CTNNB1: variants seen among roughly 807,000 people sequenced by gnomAD.
CTNNB1 encodes catenin beta 1, also known as catenin beta-1.
A neutral mutation model predicts 82.5 loss-of-function variants in CTNNB1; 6 were observed. The observed-to-expected ratio is 0.07, with a 90% CI of 0.04 to 0.14. CTNNB1 has a LOEUF of 0.14. Among genes scored for constraint, CTNNB1 ranks in the 10% least tolerant of loss-of-function variants. CTNNB1 has a pLI of 1.00. For synonymous variants in CTNNB1, 312 were observed against 329.7 expected (o/e 0.95, Z 0.58); for missense variants, 529 against 980.4 (o/e 0.54, Z 6.15).
Position 41,239,676 on chromosome 3 carries a change from T to C in CTNNB1, c.*334T>C, listed in dbSNP as rs1016752107. The C allele has an allele frequency of 8.5e-5, 37 of 435,098 alleles. No individual in the cohort carries two copies. Among genetic ancestry groups the C allele is most frequent in the Non-Finnish European group, 1.7e-5 (4 of 233,652 alleles). 27.0% of individuals were successfully genotyped at this position (435,098 alleles called of 1,614,324 possible). A position where few individuals can be genotyped will look rare whatever the true frequency, so the allele number is the denominator to read the frequency against. On this transcript the variant is annotated 3_prime_UTR_variant, in exon 15 of 15. Transcript: ENST00000349496. ...TTTATACAGCTGTATTGTCTGAACT[T>C]GCATTGTGATTGGCCTGTAGAGTTG...
At chr3:41,222,700 C>CT (rs1261243415) in intron 1 of CTNNB1, among the ~76,000 whole-genome samples, 32 of 152,230 alleles carry the variant, frequency 2.1e-4, no homozygotes, top group African/African-American at 7.7e-4. Context: ...AAAAACAGTA[C>CT]TATAAAAAAA....
chr3:41,228,268 C>T (rs907022334), intron 7 of CTNNB1, among the ~76,000 whole-genome samples: 1 of 152,078 alleles, frequency 6.6e-6, no homozygotes, highest in African/African-American at 2.4e-5. Context: ...AATGGTAATT[C>T]TGTCAGGTTT....
At chr3:41,219,094 C>G (rs1440052403) in intron 1 of CTNNB1, among the ~76,000 whole-genome samples, 2 of 152,172 alleles carry the variant, frequency 1.3e-5, no homozygotes, top group African/African-American at 4.8e-5. Flanking sequence ...AAAGCCTATT[C>G]AGGATGTATC....
At position 41,216,674 on chromosome 3, in the gene CTNNB1, C is replaced by T. The variant is rs551565350; in HGVS notation, c.-48-7347C>T. Reference sequence around the variant, plus strand: ...TTTATGCTTAGAAACATTTCCTTAACGTTATATTTCAGTATTTGGCTAACC... The same window carrying T: ...TTTATGCTTAGAAACATTTCCTTAATGTTATATTTCAGTATTTGGCTAACC... On this transcript the variant is annotated intron_variant, in intron 1 of 14. Transcript: ENST00000349496. Among the ~76,000 whole-genome samples the T allele has an allele frequency of 3.9e-5, 6 of 152,228 alleles. No individual in the cohort carries two copies. The East Asian group carries it at 1.2e-3, about 29-fold the overall frequency.
At chr3:41,227,607 C>T (rs559659228) in intron 7 of CTNNB1, among the ~76,000 whole-genome samples, 26 of 152,230 alleles carry the variant, frequency 1.7e-4, no homozygotes, top group Middle Eastern at 3.4e-3. Flanking sequence ...TTTGTAATTT[C>T]AGTTTTGAGT....
chr3:41,200,067 G>A (rs900867022), intron 1 of CTNNB1: 1 of 147,074 alleles, frequency 6.8e-6, no homozygotes, highest in East Asian at 2.1e-4. Flanking sequence ...TGGGTGGGGG[G>A]CGGGGTGGGG....
At chr3:41,215,976 C>A (rs1035073362) in intron 1 of CTNNB1, among the ~76,000 whole-genome samples, 2 of 152,180 alleles carry the variant, frequency 1.3e-5, no homozygotes, top group East Asian at 3.9e-4. Flanking sequence ...CCCTGTCTTT[C>A]ATTTATCTGC....
At chr3:41,209,396 C>T (rs903393350) in intron 1 of CTNNB1, among the ~76,000 whole-genome samples, 3 of 152,204 alleles carry the variant, frequency 2.0e-5, no homozygotes, top group South Asian at 2.1e-4. Context: ...AAAGCTGCAT[C>T]TTAGTCTTTT....
Position 41,236,667 on chromosome 3 carries a change from G to C in CTNNB1, c.2034G>C (p.Leu678=), listed in dbSNP as rs746237763. ...ACAAGAAACGGCTTTCAGTTGAGCTGACCAGCTCTCTCTTCAGAACAGAGC... is the reference window on the plus strand; with the variant it reads ...ACAAGAAACGGCTTTCAGTTGAGCTCACCAGCTCTCTCTTCAGAACAGAGC... The part of the protein sequence containing the change: ...QDYKKRLSVE[L]TSSLFRTEPM... Residue 678 remains leucine (L), a synonymous_variant, in exon 13 of 15, where the codon CTG becomes CTC. Transcript: ENST00000349496. 1.2e-6 allele frequency: 2 copies of C among 1,614,184 alleles called. No individual in the cohort carries two copies. The highest frequency in any genetic ancestry group is 1.6e-4 in the Middle Eastern group (1 of 6,062).
At position 41,227,541 on chromosome 3, in the gene CTNNB1, T is replaced by G. The variant is rs149718949; in HGVS notation, c.1081+189T>G. Among the ~76,000 whole-genome samples the G allele has an allele frequency of 2.6e-4, 40 of 152,294 alleles. No homozygotes were observed. In the East Asian group the frequency reaches 7.7e-3, roughly 29 times the overall value. On this transcript the variant is annotated intron_variant, in intron 7 of 14. Transcript: ENST00000349496. ...GCTAAATATTTAAGGCTAGTTTAGGTAGAGTTCTTATTATCCATCAAAAAT... is the reference window on the plus strand; with the variant it reads ...GCTAAATATTTAAGGCTAGTTTAGGGAGAGTTCTTATTATCCATCAAAAAT...
In CTNNB1 at chr3:41,218,908, C is replaced by T. The variant is rs190964846; in HGVS notation, c.-48-5113C>T. 3.2e-4 allele frequency among the ~76,000 whole-genome samples: 49 copies of T among 152,232 alleles called. No individual in the cohort carries two copies. The East Asian group carries it at 6.6e-3, about 20-fold the overall frequency. ...TTCCATCCTATTCCCTTTGCTGCCC[C>T]CAGGCCTCCTGTATTGATAGCCCGC... On this transcript the variant is annotated intron_variant, in intron 1 of 14. Coordinates refer to ENST00000349496, the MANE Select transcript of CTNNB1 (RefSeq NM_001904.4).
chr3:41,239,129 T>G lies in CTNNB1; in HGVS notation c.2138-5T>G. 1.9e-6 allele frequency: 3 copies of G among 1,613,444 alleles called. No homozygotes were observed. The highest frequency in any genetic ancestry group is 2.5e-6 in the Non-Finnish European group (3 of 1,179,608). ...CCTATTTTGTTGACACCCTGACTCT[T>G]CTAGATCCTAGCTATCGTTCTTTTC... On this transcript the variant is annotated splice_region_variant and splice_polypyrimidine_tract_variant and intron_variant, in intron 14 of 14. Coordinates refer to ENST00000349496, the MANE Select transcript of CTNNB1 (RefSeq NM_001904.4).
At chr3:41,209,508 T>G (rs1470977679) in intron 1 of CTNNB1, among the ~76,000 whole-genome samples, 2 of 152,204 alleles carry the variant, frequency 1.3e-5, no homozygotes, top group East Asian at 3.8e-4. Context: ...CTGCAAAAAA[T>G]TGTCTGTTCT....
chr3:41,223,703 T>G (rs1366556244), intron 1 of CTNNB1, among the ~76,000 whole-genome samples: 2 of 152,162 alleles, frequency 1.3e-5, no homozygotes, highest in African/African-American at 4.8e-5. Context: ...TTTTGAATAG[T>G]GTTTTCCCCT....
In CTNNB1 at chr3:41,238,096, C is replaced by A; in HGVS notation, c.2137+20C>A. On this transcript the variant is annotated intron_variant, in intron 14 of 14. Transcript: ENST00000349496. Reference sequence around the variant, plus strand: ...AGGATGGTATGTGTCTCATATTTCTCGATTAACTCCAGATCAAGCTAAAGT... The same window carrying A: ...AGGATGGTATGTGTCTCATATTTCTAGATTAACTCCAGATCAAGCTAAAGT... 6.2e-7 allele frequency: 1 copy of A among 1,603,386 alleles called. No individual in the cohort carries two copies. The highest frequency in any genetic ancestry group is 8.5e-7 in the Non-Finnish European group (1 of 1,170,264).
At chr3:41,218,443 G>A (rs967933101) in intron 1 of CTNNB1, among the ~76,000 whole-genome samples, 3 of 151,932 alleles carry the variant, frequency 2.0e-5, no homozygotes, top group South Asian at 4.2e-4. Context: ...ATTTACTCTC[G>A]TATGTATCTC....
At chr3:41,222,624 G>C (rs1333242550) in intron 1 of CTNNB1, among the ~76,000 whole-genome samples, 4 of 152,252 alleles carry the variant, frequency 2.6e-5, no homozygotes, top group African/African-American at 9.6e-5. Flanking sequence ...CAAGTTACTA[G>C]GTCAGCCCAC....
At chr3:41,236,774 T>G (rs1049064607) in intron 13 of CTNNB1, 65 bp downstream of exon 13, 3 of 1,605,124 alleles carry the variant, frequency 1.9e-6, no homozygotes, top group Non-Finnish European at 2.6e-6. Flanking sequence ...GCTTGTTCTT[T>G]CCTCTCAAAA....
At chr3:41,227,969 T>C (rs2078218195) in intron 7 of CTNNB1, among the ~76,000 whole-genome samples, 1 of 152,104 alleles carries the variant, frequency 6.6e-6, no homozygotes, top group South Asian at 2.1e-4. Context: ...TGAGAACATG[T>C]GGTATTTGGT....
Sources: allele counts gnomAD v4.1 joint callset (sites outside exome capture counted in the v4.1 genomes callset), GRCh38; gene constraint gnomAD v4.1.1; transcripts MANE v1.5; gene names NCBI Gene and HGNC (gene_info 2026-07-23, HGNC 2026-07-21).